Variants in PSD3 observed in about 807,000 individuals in gnomAD.
PSD3 encodes the protein PH and SEC7 domain-containing protein 3.
In PSD3, 49 loss-of-function variants were observed where a neutral mutation model predicts 105.5. The observed-to-expected ratio is 0.46, with a 90% confidence interval of 0.37 to 0.59. PSD3 has a LOEUF of 0.59. Among genes scored for constraint, PSD3 ranks in the 20% least tolerant of loss-of-function variants. The probability of loss-of-function intolerance (pLI) is 0.00; values close to 1 mark genes in which losing one functional copy is unlikely to be tolerated. For synonymous variants in PSD3, 557 were observed against 457.8 expected (o/e 1.22, Z -2.77); for missense variants, 1,561 against 1,263.8 (o/e 1.24, Z -3.57).
intron 2 of PSD3, among the ~76,000 whole-genome samples, chr8:18,898,353 G>GACCT (rs1470554102): frequency 6.6e-6 from 1 of 152,076 alleles, no homozygotes; most frequent in Non-Finnish European, 1.5e-5. Flanking sequence ...ACTGTATAAT[G>GACCT]ACCTTCTTTG....
At chr8:18,976,072 G>T (rs1044404042) in intron 1 of PSD3, among the ~76,000 whole-genome samples, 1 of 152,046 alleles carries the variant, frequency 6.6e-6, no homozygotes, top group Non-Finnish European at 1.5e-5. Context: ...AAAACTGTAA[G>T]CAACAAAAGT....
Position 18,914,643 on chromosome 8 carries a change from T to C in PSD3, c.130+21391A>G, listed in dbSNP as rs534936197. Among the ~76,000 whole-genome samples, 24 of 152,250 alleles carry C rather than the reference T, an allele frequency of 1.6e-4. No homozygotes were observed. The South Asian group carries it at 2.5e-3, about 16-fold the overall frequency. ...CTACAAAAAGTAAAATACTTCAGAA[T>C]AAATCTGACCAAGAGAGTGAATGAC... On this transcript the variant is annotated intron_variant, in intron 2 of 15. Coordinates refer to ENST00000327040, the MANE Select transcript of PSD3 (RefSeq NM_015310.4).
chr8:18,619,557 G>T lies in PSD3; in HGVS notation c.2410+13056C>A, dbSNP rs571572526. On this transcript the variant is annotated intron_variant, in intron 11 of 15. Coordinates refer to ENST00000327040, the MANE Select transcript of PSD3 (RefSeq NM_015310.4). ...ACTTGGGAGGCTGAGGCAGGAGAAC[G>T]GTTTGAACCCGGGAGGCAGAGGTTG... Among the ~76,000 whole-genome samples the T allele has an allele frequency of 2.6e-5, 4 of 151,972 alleles. No homozygotes were observed. The South Asian group carries it at 6.2e-4, about 24-fold the overall frequency.
chr8:18,615,833 A>C (rs1805619332), intron 11 of PSD3, among the ~76,000 whole-genome samples: 1 of 152,224 alleles, frequency 6.6e-6, no homozygotes, highest in Non-Finnish European at 1.5e-5. Flanking sequence ...AGGGAAGGAC[A>C]GAGCGAAGAC....
chr8:19,070,135 T>C (rs979453318), intron 1 of PSD3, among the ~76,000 whole-genome samples: 3 of 151,938 alleles, frequency 2.0e-5, no homozygotes, highest in Non-Finnish European at 4.4e-5. Flanking sequence ...TTGCCCATAG[T>C]TCGGGGTACT....
At chr8:18,763,145 A>G (rs1806680901) in intron 9 of PSD3, 1 of 428,684 alleles carries the variant, frequency 2.3e-6, no homozygotes, top group African/African-American at 2.0e-5. Flanking sequence ...ACATAAATCC[A>G]AATGTTACTT....
chr8:18,647,628 CTT>C (rs1332224779), intron 10 of PSD3, among the ~76,000 whole-genome samples: 51 of 135,116 alleles, frequency 3.8e-4, no homozygotes, highest in African/African-American at 1.4e-3. Flanking sequence ...TTTTGGCTGA[CTT>C]TATTAAAATG....
rs376082223 is a variant in PSD3, at chr8:18,611,945, G to A, written c.2411-11511C>T. 2.6e-4 allele frequency among the ~76,000 whole-genome samples: 40 copies of A among 152,320 alleles called. No homozygotes were observed. In the South Asian group the frequency reaches 5.4e-3, roughly 21 times the overall value. ...TGCTTAACTGTTGATCTTCATTACA[G>A]ATTAATTTCCCTCTTACCTTTCTCA... On this transcript the variant is annotated intron_variant, in intron 11 of 15. Coordinates refer to ENST00000327040, the MANE Select transcript of PSD3 (RefSeq NM_015310.4).
intron 10 of PSD3, among the ~76,000 whole-genome samples, chr8:18,639,221 A>T (rs1459060759): frequency 1.3e-5 from 2 of 152,246 alleles, no homozygotes; most frequent in Non-Finnish European, 2.9e-5. Flanking sequence ...GGGTAAGGGC[A>T]AATAACATTG....
intron 11 of PSD3, among the ~76,000 whole-genome samples, chr8:18,603,641 C>T (rs1466559521): frequency 6.6e-6 from 1 of 152,194 alleles, no homozygotes; most frequent in East Asian, 1.9e-4. Context: ...ATCTCATGTT[C>T]AGCTACAATC....
intron 1 of PSD3, among the ~76,000 whole-genome samples, chr8:18,938,988 G>C (rs1401845950): frequency 2.0e-5 from 3 of 151,474 alleles, no homozygotes; most frequent in African/African-American, 7.3e-5. Flanking sequence ...CTACACTGGG[G>C]CTTCCAAGTG....
intron 1 of PSD3, among the ~76,000 whole-genome samples, chr8:19,073,938 C>G (rs1448158589): frequency 6.6e-6 from 1 of 152,030 alleles, no homozygotes; most frequent in Non-Finnish European, 1.5e-5. Context: ...CTACAGGCGC[C>G]TGCCACCACG....
chr8:18,812,392 G>C (rs1811773261), intron 4 of PSD3, among the ~76,000 whole-genome samples: 1 of 152,190 alleles, frequency 6.6e-6, no homozygotes. Context: ...GGTTAATATT[G>C]AAGGGTTCTG....
chr8:18,822,342 C>T (rs536180354), intron 4 of PSD3, among the ~76,000 whole-genome samples: 1 of 152,164 alleles, frequency 6.6e-6, no homozygotes, highest in Non-Finnish European at 1.5e-5. Flanking sequence ...GGACATCATT[C>T]AGGCATCACT....
chr8:18,890,479 C>G (rs1818718010), intron 2 of PSD3, among the ~76,000 whole-genome samples: 2 of 152,060 alleles, frequency 1.3e-5, no homozygotes, highest in African/African-American at 4.8e-5. Context: ...AAGCCAAAAC[C>G]TGTCAATAAT....
intron 9 of PSD3, chr8:18,733,560 G>A (rs1803927101): frequency 6.6e-6 from 1 of 152,626 alleles, no homozygotes; most frequent in Non-Finnish European, 1.5e-5. Flanking sequence ...GATGTGATGA[G>A]ATTATTCTGA....
chr8:18,655,241 A>G (rs1473401420), intron 10 of PSD3, among the ~76,000 whole-genome samples: 1 of 151,270 alleles, frequency 6.6e-6, no homozygotes, highest in Non-Finnish European at 1.5e-5. Context: ...AGGCAGGAGA[A>G]TGGCGTGAAC....
intron 9 of PSD3, among the ~76,000 whole-genome samples, chr8:18,712,892 G>A (rs556137411): frequency 1.2e-3 from 189 of 152,222 alleles, no homozygotes; most frequent in Middle Eastern, 3.4e-3. Flanking sequence ...CTCAATAAAT[G>A]CTGGCAAACT....
intron 1 of PSD3, among the ~76,000 whole-genome samples, chr8:18,967,251 G>A (rs965348971): frequency 4.6e-5 from 7 of 151,908 alleles, no homozygotes; most frequent in Admixed American, 4.6e-4. Context: ...TGCCTCCCAG[G>A]TTCAAGTGAT....
Sources: allele counts gnomAD v4.1 joint callset (sites outside exome capture counted in the v4.1 genomes callset), GRCh38; gene constraint gnomAD v4.1.1; transcripts MANE v1.5; gene names NCBI Gene and HGNC (gene_info 2026-07-23, HGNC 2026-07-21).